Variants in PHC3 observed in about 807,000 individuals in gnomAD.
PHC3 encodes the protein polyhomeotic-like protein 3.
A neutral mutation model predicts 107.4 loss-of-function variants in PHC3; 13 were observed. That is an observed-to-expected ratio of 0.12 (90% CI 0.08 to 0.19). PHC3 has a LOEUF of 0.19. PHC3 is among the 10% of genes least tolerant of loss of function. The pLI is 1.00. For missense variants in PHC3, 992 were observed against 1,210.9 expected, an observed-to-expected ratio of 0.82 and a Z score of 2.68; for synonymous variants, 456 against 427.4, an observed-to-expected ratio of 1.07 and a Z score of -0.83.
At chr3:170,098,616 C>A (rs1714967066) in intron 14 of PHC3, among the ~76,000 whole-genome samples, 1 of 151,812 alleles carries the variant, frequency 6.6e-6, no homozygotes, top group Non-Finnish European at 1.5e-5. Flanking sequence ...ACACAATAAA[C>A]AAAAATATAA....
intron 4 of PHC3, chr3:170,150,801 T>C: frequency 2.9e-6 from 1 of 344,852 alleles, no homozygotes; most frequent in South Asian, 2.1e-5. Flanking sequence ...TAACTGGTTG[T>C]ATCTATAAAG....
chr3:170,136,929 G>A (rs1269267330), intron 6 of PHC3, among the ~76,000 whole-genome samples: 3 of 151,726 alleles, frequency 2.0e-5, no homozygotes, highest in Non-Finnish European at 4.4e-5. Context: ...GAAAGGAAGA[G>A]AGGGAAGAAG....
chr3:170,102,784 A>T lies in PHC3; in HGVS notation c.2601+18T>A. 1 of 1,613,662 alleles carries T rather than the reference A, an allele frequency of 6.2e-7. No individual in the cohort carries two copies. The highest frequency in any genetic ancestry group is 8.5e-7 in the Non-Finnish European group (1 of 1,179,602). On this transcript the variant is annotated intron_variant, in intron 13 of 14. Coordinates refer to ENST00000495893, the MANE Select transcript of PHC3 (RefSeq NM_024947.4). Reference sequence around the variant, plus strand: ...TTCTGAAAAGGGTATTTTACATTGAAGCAAGGTTTATACAGACCTGCCTAA... The same window carrying T: ...TTCTGAAAAGGGTATTTTACATTGATGCAAGGTTTATACAGACCTGCCTAA...
intron 7 of PHC3, among the ~76,000 whole-genome samples, chr3:170,135,524 C>G (rs934306720): frequency 6.6e-6 from 1 of 151,794 alleles, no homozygotes; most frequent in Non-Finnish European, 1.5e-5. Context: ...CACACACACT[C>G]AAACAATATA....
At chr3:170,158,593 A>C (rs1051620012) in intron 4 of PHC3, among the ~76,000 whole-genome samples, 4 of 151,398 alleles carry the variant, frequency 2.6e-5, no homozygotes, top group African/African-American at 9.7e-5. Context: ...ACAGAGTGAG[A>C]CTCCATCTCA....
intron 4 of PHC3, among the ~76,000 whole-genome samples, chr3:170,152,437 C>T (rs532352945): frequency 9.3e-5 from 14 of 151,120 alleles, no homozygotes; most frequent in South Asian, 6.3e-4. Flanking sequence ...CCCTCCCCCT[C>T]GGCCTTCCAA....
chr3:170,146,485 G>T (rs1724969878), intron 5 of PHC3, among the ~76,000 whole-genome samples: 3 of 149,386 alleles, frequency 2.0e-5, no homozygotes, highest in Middle Eastern at 3.6e-3. Context: ...AAAAAACAAA[G>T]ACATTTAATT....
chr3:170,180,746 A>T (rs962393081), intron 1 of PHC3, among the ~76,000 whole-genome samples: 2 of 152,144 alleles, frequency 1.3e-5, no homozygotes, highest in African/African-American at 4.8e-5. Context: ...CTGGTTTTTT[A>T]AAAGTGTTAA....
intron 4 of PHC3, among the ~76,000 whole-genome samples, chr3:170,165,616 T>C (rs918651055): frequency 8.6e-5 from 13 of 151,576 alleles, no homozygotes; most frequent in African/African-American, 2.9e-4. Context: ...TAGCCGGGCA[T>C]GGTGGTAAAC....
At chr3:170,180,925 T>C (rs1731283380) in intron 1 of PHC3, among the ~76,000 whole-genome samples, 1 of 152,240 alleles carries the variant, frequency 6.6e-6, no homozygotes, top group Non-Finnish European at 1.5e-5. Context: ...AGAACAACTT[T>C]GGTAACTCCA....
At chr3:170,135,135 A>G (rs532773398) in intron 7 of PHC3, among the ~76,000 whole-genome samples, 1 of 151,532 alleles carries the variant, frequency 6.6e-6, no homozygotes, top group Admixed American at 6.6e-5. Context: ...GAACAAAGGA[A>G]GTTTTTTGTT....
chr3:170,127,192 T>C (rs1020289349), intron 8 of PHC3, among the ~76,000 whole-genome samples: 2 of 152,220 alleles, frequency 1.3e-5, no homozygotes, highest in African/African-American at 4.8e-5. Flanking sequence ...TTTCTTTCCT[T>C]TTTTTGAGAC....
intron 1 of PHC3, 47 bp from the exon 2 acceptor site, chr3:170,178,985 T>C (rs1222952595): frequency 1.3e-6 from 2 of 1,507,842 alleles, no homozygotes; most frequent in Admixed American, 1.8e-5. Context: ...CATTATCTTA[T>C]GAGCTTTAAA....
At chr3:170,104,533 A>G (rs984450532) in intron 12 of PHC3, among the ~76,000 whole-genome samples, 2 of 152,146 alleles carry the variant, frequency 1.3e-5, no homozygotes, top group South Asian at 2.1e-4. Context: ...TCAGCCTCCC[A>G]AAGTGCTGGG....
chr3:170,101,171 G>A (rs376587100), intron 14 of PHC3, among the ~76,000 whole-genome samples: 3 of 152,136 alleles, frequency 2.0e-5, no homozygotes, highest in East Asian at 1.9e-4. Flanking sequence ...CTAAGTTTTC[G>A]TGGGCACATG....
chr3:170,101,165 G>T (rs1170363950), intron 14 of PHC3, among the ~76,000 whole-genome samples: 5 of 152,168 alleles, frequency 3.3e-5, no homozygotes, highest in Non-Finnish European at 7.3e-5. Context: ...TCACATCTAA[G>T]TTTTCGTGGG....
intron 2 of PHC3, among the ~76,000 whole-genome samples, chr3:170,175,244 G>C (rs933293110): frequency 6.6e-6 from 1 of 152,140 alleles, no homozygotes; most frequent in African/African-American, 2.4e-5. Flanking sequence ...ATAAGAAACA[G>C]AGTCAGTGCT....
At chr3:170,110,447 T>C (rs754340198) in intron 11 of PHC3, among the ~76,000 whole-genome samples, 4 of 152,202 alleles carry the variant, frequency 2.6e-5, no homozygotes, top group African/African-American at 4.8e-5. Context: ...TCTGAAATGT[T>C]CTCGCTGTTT....
At chr3:170,148,510 T>C (rs1320713337) in intron 5 of PHC3, 1 of 152,218 alleles carries the variant, frequency 6.6e-6, no homozygotes, top group African/African-American at 2.4e-5. Flanking sequence ...AACATTCCTA[T>C]ATTCATAAAA....
Sources: gnomAD v4.1 joint callset for allele counts (sites outside exome capture counted in the v4.1 genomes callset) on GRCh38, gnomAD v4.1.1 for gene constraint, MANE v1.5 for transcripts, NCBI Gene and HGNC (gene_info 2026-07-23, HGNC 2026-07-21) for gene names.